MSN: variants seen among roughly 807,000 people sequenced by gnomAD.
MSN encodes the protein moesin.
MSN carries 2 observed loss-of-function variants against 48.0 expected under a neutral mutation model. The ratio of observed to expected loss-of-function variants is 0.04; its 90% CI spans 0.02 to 0.13. The LOEUF (loss-of-function observed/expected upper bound fraction) is 0.13. Among genes scored for constraint, MSN ranks in the 10% least tolerant of loss-of-function variants. The probability of loss-of-function intolerance (pLI) is 1.00; values close to 1 mark genes in which losing one functional copy is unlikely to be tolerated. For missense variants in MSN, 267 were observed against 470.1 expected (o/e 0.57, Z 3.99); for synonymous variants, 146 against 166.9 (o/e 0.87, Z 0.97).
intron 1 of MSN, among the ~76,000 whole-genome samples, chrX:65,699,516 G>T (rs899115810): frequency 2.7e-5 from 3 of 111,342 alleles, no homozygotes; most frequent in African/African-American, 9.8e-5. Flanking sequence ...TTGGGAGGCC[G>T]AGGCGGGTGG....
intron 1 of MSN, among the ~76,000 whole-genome samples, chrX:65,597,066 T>C (rs181401135): frequency 8.9e-6 from 1 of 111,743 alleles, no homozygotes; most frequent in South Asian, 3.7e-4. Context: ...ATACATTTAT[T>C]TGAGACAGAG....
intron 3 of MSN, 76 bp from the exon 4 acceptor site, chrX:65,729,362 T>G (rs2071599229): frequency 1.8e-6 from 2 of 1,093,165 alleles, no homozygotes; most frequent in Non-Finnish European, 2.4e-6. Context: ...CTTTCAGTGT[T>G]TTCTCCCCAC....
intron 1 of MSN, among the ~76,000 whole-genome samples, chrX:65,681,872 C>T: frequency 8.9e-6 from 1 of 111,819 alleles, no homozygotes; most frequent in Middle Eastern, 4.6e-3. Context: ...ATGCCAGATG[C>T]TACAGTTTCT....
Position 65,623,807 on chromosome X carries a change from C to T in MSN, c.-22+35195C>T, listed in dbSNP as rs750184299. Among the ~76,000 whole-genome samples the T allele has an allele frequency of 1.1e-3, 95 of 88,998 alleles. No homozygotes were observed. The East Asian group carries it at 0.017, about 16-fold the overall frequency. The allele number at this position is 88,998 out of a possible 115,157, so 77.3% of individuals were successfully genotyped here. A position where few individuals can be genotyped will look rare whatever the true frequency, so the allele number is the denominator to read the frequency against. ...AGCCTGGGCGACAAGAGAGAAACTC[C>T]GTCTCAAAAAAAAAAAAAAAATTTT... On this transcript the variant is annotated intron_variant, in intron 1 of 3. Transcript: ENST00000609672.
At chrX:65,630,172 T>G (rs1367977813) in intron 1 of MSN, among the ~76,000 whole-genome samples, 1 of 107,021 alleles carries the variant, frequency 9.3e-6, no homozygotes, top group African/African-American at 3.4e-5. Context: ...GAGCGAGCCT[T>G]TGACTCAAAA....
chrX:65,724,829 G>A (rs1195571073), intron 2 of MSN, among the ~76,000 whole-genome samples: 1 of 110,376 alleles, frequency 9.1e-6, no homozygotes, highest in Non-Finnish European at 1.9e-5. Flanking sequence ...TGGGACTATA[G>A]GCACGCACCA....
rs753501397 is a variant in MSN, at chrX:65,612,115, A to T, written c.-22+23503A>T. 7.1e-5 allele frequency among the ~76,000 whole-genome samples: 8 copies of T among 111,981 alleles called. No homozygotes were observed. In the South Asian group the frequency reaches 2.2e-3, roughly 31 times the overall value. On this transcript the variant is annotated intron_variant, in intron 1 of 3. Transcript: ENST00000609672. ...TTGGAAACTTACTCCCCAATGCAAC[A>T]ATTGGGAGGTGGGAGGTGGGACCTA... is the stretch of plus-strand genomic sequence containing the variant.
rs1271939831 is a variant in MSN, at chrX:65,741,842, A to G, written c.*1949A>G. On this transcript the variant is annotated 3_prime_UTR_variant, in exon 13 of 13. Coordinates refer to ENST00000360270, the MANE Select transcript of MSN (RefSeq NM_002444.3). Reference sequence around the variant, plus strand: ...TTTTGTATTCAGGGGTTTTTTGTGTACTTTTTGGGTTTTTTAAAAATTGTT... The same window carrying G: ...TTTTGTATTCAGGGGTTTTTTGTGTGCTTTTTGGGTTTTTTAAAAATTGTT... 5.6e-5 allele frequency: 9 copies of G among 162,137 alleles called. No homozygotes were observed. The highest frequency in any genetic ancestry group is 9.0e-5 in the East Asian group (1 of 11,104). The allele number at this position is 162,137 out of a possible 1,213,427, so 13.4% of individuals were successfully genotyped here. A position where few individuals can be genotyped will look rare whatever the true frequency, so the allele number is the denominator to read the frequency against.
At chrX:65,714,974 T>C (rs932865753) in intron 1 of MSN, among the ~76,000 whole-genome samples, 14 of 112,168 alleles carry the variant, frequency 1.2e-4, no homozygotes, top group Non-Finnish European at 2.2e-4. Context: ...AAGTCTTTAA[T>C]ACATATAGAG....
At chrX:65,592,322 A>T (rs1259360553) in intron 1 of MSN, among the ~76,000 whole-genome samples, 5 of 105,761 alleles carry the variant, frequency 4.7e-5, no homozygotes, top group Non-Finnish European at 9.6e-5. Context: ...CAGCCTCTCG[A>T]GTAGCTGGGA....
chrX:65,723,441 A>C (rs747537100), intron 2 of MSN, among the ~76,000 whole-genome samples: 1 of 110,524 alleles, frequency 9.0e-6, no homozygotes, highest in South Asian at 3.9e-4. Context: ...GATTTTTTCC[A>C]TGGGAGCTTT....
intron 1 of MSN, among the ~76,000 whole-genome samples, chrX:65,706,787 T>C (rs146654389): frequency 3.6e-5 from 4 of 111,968 alleles, no homozygotes; most frequent in Non-Finnish European, 5.6e-5. Context: ...CGACACATTG[T>C]TGGCATTCAG....
upstream of MSN, among the ~76,000 whole-genome samples, chrX:65,665,962 G>A (rs2070864538): frequency 9.0e-6 from 1 of 111,682 alleles, no homozygotes; most frequent in Admixed American, 9.5e-5. Flanking sequence ...CAGTGGAGAG[G>A]AGGAAAAAAG....
chrX:65,657,646 A>G (rs1167868323), intron 1 of MSN, among the ~76,000 whole-genome samples: 2 of 112,212 alleles, frequency 1.8e-5, no homozygotes, highest in East Asian at 5.6e-4. Flanking sequence ...GTGATTAATA[A>G]TAAATATTCC....
intron 1 of MSN, among the ~76,000 whole-genome samples, chrX:65,591,461 T>G (rs2070146127): frequency 8.9e-6 from 1 of 112,171 alleles, no homozygotes; most frequent in African/African-American, 3.2e-5. Context: ...TCCAGTGCTA[T>G]TATGCTGTGG....
intron 2 of MSN, among the ~76,000 whole-genome samples, chrX:65,725,586 C>A (rs771775962): frequency 9.0e-6 from 1 of 111,542 alleles, no homozygotes; most frequent in Non-Finnish European, 1.9e-5. Context: ...TTAAAAAAAT[C>A]TTTTCTGTTC....
intron 12 of MSN, 128 bp downstream of exon 12, chrX:65,739,322 T>C: frequency 1.5e-6 from 1 of 646,113 alleles, no homozygotes; most frequent in Non-Finnish European, 2.4e-6. Context: ...CCCAAGCCGT[T>C]CTTAAGTGAC....
chrX:65,695,307 C>A (rs191757543), intron 1 of MSN, among the ~76,000 whole-genome samples: 2 of 109,932 alleles, frequency 1.8e-5, no homozygotes, highest in Non-Finnish European at 3.8e-5. Context: ...TCGAGACCAG[C>A]CTGATCAACA....
chrX:65,609,712 T>A (rs1306353985), intron 1 of MSN, among the ~76,000 whole-genome samples: 2 of 111,394 alleles, frequency 1.8e-5, no homozygotes, highest in Non-Finnish European at 3.8e-5. Flanking sequence ...TGAAACCCCA[T>A]CTCTACTAAA....
Sources: gnomAD v4.1 joint callset for allele counts (sites outside exome capture counted in the v4.1 genomes callset) on GRCh38, gnomAD v4.1.1 for gene constraint, MANE v1.5 for transcripts, NCBI Gene and HGNC (gene_info 2026-07-23, HGNC 2026-07-21) for gene names.